Variants in VPS37B observed in about 807,000 individuals in gnomAD.
VPS37B encodes the protein vacuolar protein sorting-associated protein 37B.
VPS37B carries 11 observed loss-of-function variants against 21.2 expected under a neutral mutation model. The observed-to-expected ratio is 0.52, with a 90% CI of 0.33 to 0.86. The LOEUF (loss-of-function observed/expected upper bound fraction) is 0.86. Among genes scored for constraint, VPS37B ranks in the 40% least tolerant of loss-of-function variants. The pLI, the probability that VPS37B is intolerant of heterozygous loss-of-function variation, is 0.03. For missense variants in VPS37B, 389 were observed against 374.8 expected (o/e 1.04, Z -0.31); for synonymous variants, 175 against 159.6 (o/e 1.10, Z -0.73).
chr12:122,882,170 G>C (rs1237310024), intron 1 of VPS37B: 1 of 152,046 alleles, frequency 6.6e-6, no homozygotes, highest in Non-Finnish European at 1.5e-5. Flanking sequence ...TATAGGAAAA[G>C]CTGGATAAAT....
At chr12:122,887,790 G>A (rs1241027162) in intron 1 of VPS37B, 4 of 152,192 alleles carry the variant, frequency 2.6e-5, no homozygotes, top group African/African-American at 7.2e-5. Context: ...GCAAAGGCTG[G>A]GTACATGAAT....
At chr12:122,870,782 C>T (rs1011101816) in intron 2 of VPS37B, 108 bp downstream of exon 2, 1 of 1,227,360 alleles carries the variant, frequency 8.1e-7, no homozygotes, top group Non-Finnish European at 1.1e-6. Flanking sequence ...GAGTCGCTAT[C>T]TTAACCTGAA....
At chr12:122,885,292 G>C in intron 1 of VPS37B, 1 of 151,500 alleles carries the variant, frequency 6.6e-6, no homozygotes, top group East Asian at 1.9e-4. Context: ...TCACTTTAAC[G>C]TATTTGTTTT....
chr12:122,882,972 G>A (rs1229395814), intron 1 of VPS37B: 1 of 152,240 alleles, frequency 6.6e-6, no homozygotes, highest in African/African-American at 2.4e-5. Flanking sequence ...CTATTAACAT[G>A]TTGACAAAAT....
Position 122,868,349 on chromosome 12 carries a change from G to T in VPS37B, c.366+131C>A, listed in dbSNP as rs1018566615. The T allele has an allele frequency of 1.1e-5, 9 of 805,612 alleles. No individual in the cohort carries two copies. The highest frequency in any genetic ancestry group is 8.5e-5 in the African/African-American group (5 of 58,578). 49.9% of individuals were successfully genotyped at this position (805,612 alleles called of 1,614,324 possible). A position where few individuals can be genotyped will look rare whatever the true frequency, so the allele number is the denominator to read the frequency against. Reference sequence around the variant, plus strand: ...AGCACACAGGCCAGGCTGCCTGCTGGTATACAGCCCGTACACCTGGGAGGC... The same window carrying T: ...AGCACACAGGCCAGGCTGCCTGCTGTTATACAGCCCGTACACCTGGGAGGC... On this transcript the variant is annotated intron_variant, in intron 3 of 3. Coordinates refer to ENST00000267202, the MANE Select transcript of VPS37B (RefSeq NM_024667.3). This position sits in a 1 kb window ranked among gnomAD's most constrained non-coding sequence, Gnocchi z 5.5.
At position 122,866,918 on chromosome 12, in the gene VPS37B, C is replaced by A. The variant is rs1317375378; in HGVS notation, c.*198G>T. The A allele has an allele frequency of 7.3e-6, 4 of 550,478 alleles. No individual in the cohort carries two copies. Among genetic ancestry groups the A allele is most frequent in the Non-Finnish European group, 1.2e-5 (4 of 342,574 alleles). The allele number at this position is 550,478 out of a possible 1,614,324, so 34.1% of individuals were successfully genotyped here. ...CAACGCACAGGTGTCAGGCTGTAAC[C>A]CGGCACACACAACTGCCTTGATGCC... On this transcript the variant is annotated 3_prime_UTR_variant, in exon 4 of 4. Coordinates refer to ENST00000267202, the MANE Select transcript of VPS37B (RefSeq NM_024667.3).
chr12:122,879,494 C>T (rs1026295954), intron 1 of VPS37B: 2 of 152,490 alleles, frequency 1.3e-5, no homozygotes, highest in African/African-American at 4.8e-5. Flanking sequence ...CTCCTCTGCC[C>T]CTCCCGCAGG....
intron 1 of VPS37B, chr12:122,871,619 G>A (rs2034036004): frequency 1.0e-6 from 1 of 985,316 alleles, no homozygotes; most frequent in African/African-American, 1.7e-5. Flanking sequence ...CAGCTCTTCT[G>A]AGCCTTCCAG....
Position 122,896,084 on chromosome 12 carries a change from G to C in VPS37B, c.-22C>G. On this transcript the variant is annotated 5_prime_UTR_variant, in exon 1 of 4. Coordinates refer to ENST00000267202, the MANE Select transcript of VPS37B (RefSeq NM_024667.3). ...CCATCCCCACGTCTCGGCCGTCGTC[G>C]CCACCGCCGCTGCGGCCACCAGGCT... is the stretch of plus-strand genomic sequence containing the variant. 6.4e-7 allele frequency: 1 copy of C among 1,551,008 alleles called. No homozygotes were observed. Among genetic ancestry groups the C allele is most frequent in the Non-Finnish European group, 8.6e-7 (1 of 1,156,812 alleles).
At chr12:122,895,598 ACTTCAGACCCAGCCTTAAGT>A (rs1360791052) in intron 1 of VPS37B, among the ~76,000 whole-genome samples, 91 of 150,762 alleles carry the variant, frequency 6.0e-4, no homozygotes, top group South Asian at 6.3e-4. Context: ...CCTAATCTCC[ACTTCAGACCCAGCCTTAAGT>A]CTTCAGACCC....
At chr12:122,892,929 C>T (rs1425722198) in intron 1 of VPS37B, among the ~76,000 whole-genome samples, 2 of 152,050 alleles carry the variant, frequency 1.3e-5, no homozygotes, top group Non-Finnish European at 2.9e-5. Flanking sequence ...GGTGTGATGG[C>T]GCACACCTGT....
At chr12:122,875,880 C>G (rs938065421) in intron 1 of VPS37B, 1 of 151,508 alleles carries the variant, frequency 6.6e-6, no homozygotes, top group Non-Finnish European at 1.5e-5. Flanking sequence ...TAAGTTGCCA[C>G]TGTCTTTGTT....
At chr12:122,872,543 G>A (rs750442252) in intron 1 of VPS37B, 2 of 985,294 alleles carry the variant, frequency 2.0e-6, no homozygotes, top group African/African-American at 3.5e-5. Context: ...CTGGAAAGAC[G>A]CAGTTTCACT....
intron 1 of VPS37B, among the ~76,000 whole-genome samples, chr12:122,892,163 T>A (rs1285852494): frequency 2.0e-5 from 3 of 152,298 alleles, no homozygotes; most frequent in Non-Finnish European, 4.4e-5. Flanking sequence ...AATACATGCA[T>A]ATGAAACATT....
intron 1 of VPS37B, among the ~76,000 whole-genome samples, chr12:122,891,778 C>T (rs191292344): frequency 2.6e-5 from 4 of 152,332 alleles, no homozygotes; most frequent in Admixed American, 2.6e-4. Flanking sequence ...ATGATTCATG[C>T]AGTAGCTTTC....
chr12:122,876,727 A>G (rs2135703677), intron 1 of VPS37B: 1 of 151,730 alleles, frequency 6.6e-6, no homozygotes, highest in African/African-American at 2.4e-5. Flanking sequence ...GAGAAAAAAA[A>G]AAAACACACA....
At chr12:122,876,768 T>C (rs1345468058) in intron 1 of VPS37B, 1 of 152,000 alleles carries the variant, frequency 6.6e-6, no homozygotes, top group Non-Finnish European at 1.5e-5. Context: ...TCATTATTTC[T>C]TTATTTGGGT....
At chr12:122,872,095 G>A (rs2034050135) in intron 1 of VPS37B, 2 of 985,178 alleles carry the variant, frequency 2.0e-6, no homozygotes, top group Non-Finnish European at 2.4e-6. Flanking sequence ...TTTTTGCTGC[G>A]ACTTCCTTCC....
intron 1 of VPS37B, chr12:122,884,879 A>G (rs2034299393): frequency 6.6e-6 from 1 of 152,216 alleles, no homozygotes; most frequent in African/African-American, 2.4e-5. Flanking sequence ...CACAGGTGCA[A>G]ATAAGAAAGT....
Sources: allele counts gnomAD v4.1 joint callset (sites outside exome capture counted in the v4.1 genomes callset), GRCh38; gene constraint gnomAD v4.1.1; non-coding constraint Gnocchi (gnomAD v3.1); transcripts MANE v1.5; gene names NCBI Gene and HGNC (gene_info 2026-07-23, HGNC 2026-07-21).